Variants in RABGAP1 observed in about 807,000 individuals in gnomAD.
RABGAP1 encodes rab GTPase-activating protein 1.
Under a neutral mutation model 137.6 loss-of-function variants are expected in RABGAP1, and 23 were observed. The observed-to-expected ratio is 0.17, with a 90% confidence interval of 0.12 to 0.24. The LOEUF is 0.24. Among genes scored for constraint, RABGAP1 ranks in the 10% least tolerant of loss-of-function variants. The pLI is 1.00. For synonymous variants in RABGAP1, 451 were observed against 450.7 expected, an observed-to-expected ratio of 1.00 and a Z score of -0.01; for missense variants, 906 against 1,275.8, an observed-to-expected ratio of 0.71 and a Z score of 4.42.
chr9:123,032,480 C>A (rs945268876), intron 13 of RABGAP1, among the ~76,000 whole-genome samples: 13 of 152,208 alleles, frequency 8.5e-5, no homozygotes, highest in African/African-American at 3.1e-4. Context: ...ATGGCCGCGT[C>A]TGGGACTGGC....
At chr9:123,029,675 CGGGTTTGTTCACT>C (rs1260172468) in intron 13 of RABGAP1, 1 of 693,472 alleles carries the variant, frequency 1.4e-6, no homozygotes, top group African/African-American at 1.8e-5. Context: ...GCCTTGCCCC[CGGGTTTGTTCACT>C]GGGTCTTTGT....
At position 123,089,738 on chromosome 9, in the gene RABGAP1, C is replaced by A; in HGVS notation, c.2425-20C>A. Reference sequence around the variant, plus strand: ...CTACTTTCTAATACTTCTTAATTTACCCTATGATTTATCCTACAGATTAGT... The same window carrying A: ...CTACTTTCTAATACTTCTTAATTTAACCTATGATTTATCCTACAGATTAGT... On this transcript the variant is annotated intron_variant, in intron 19 of 25. Transcript: ENST00000373647. 6.3e-7 allele frequency: 1 copy of A among 1,590,458 alleles called. No homozygotes were observed. Among genetic ancestry groups the A allele is most frequent in the Non-Finnish European group, 8.6e-7 (1 of 1,161,818 alleles).
chr9:123,052,330 T>A (rs2033518816), intron 13 of RABGAP1, among the ~76,000 whole-genome samples: 1 of 152,192 alleles, frequency 6.6e-6, no homozygotes, highest in Non-Finnish European at 1.5e-5. Context: ...CAAAAGGTTG[T>A]TAAGATAGAC....
chr9:123,023,855 A>G (rs1347008028), intron 13 of RABGAP1, among the ~76,000 whole-genome samples: 3 of 152,136 alleles, frequency 2.0e-5, no homozygotes, highest in Non-Finnish European at 4.4e-5. Flanking sequence ...TTGTGTTCTG[A>G]AATTTTACAT....
chr9:123,061,905 A>G (rs1282078072), intron 13 of RABGAP1: 2 of 152,244 alleles, frequency 1.3e-5, no homozygotes, highest in African/African-American at 4.8e-5. Context: ...CAGTTTGGCC[A>G]CGAATAGTGT....
chr9:122,990,799 ATATATATATATATATAT>A lies in RABGAP1; in HGVS notation c.923+587_923+603del, dbSNP rs1564384249. 1.7e-3 allele frequency: 71 copies of A among 41,796 alleles called. 3 individuals are homozygous for A. Among genetic ancestry groups the A allele is most frequent in the Middle Eastern group, 0.02 (2 of 98 alleles). 2.6% of individuals were successfully genotyped at this position (41,796 alleles called of 1,614,324 possible). A position where few individuals can be genotyped will look rare whatever the true frequency, so the allele number is the denominator to read the frequency against. The stretch of plus-strand genomic sequence containing the variant: ...AAAAAAAAAAAAAAAAAAAAAAAAT[ATATATATATATATATAT>A]ATATATATATATATATATATGGCCA... On this transcript the variant is annotated intron_variant, in intron 6 of 25. Transcript: ENST00000373647.
At chr9:122,997,492 T>C (rs1025845890) in intron 9 of RABGAP1, 131 bp downstream of exon 9, 7 of 523,928 alleles carry the variant, frequency 1.3e-5, no homozygotes, top group African/African-American at 1.2e-4. Context: ...TGAATAGTTC[T>C]TCACTTTATT....
chr9:123,087,699 G>A (rs1204666846), intron 19 of RABGAP1, among the ~76,000 whole-genome samples: 1 of 152,140 alleles, frequency 6.6e-6, no homozygotes, highest in Admixed American at 6.5e-5. Flanking sequence ...CTGTCTTCCT[G>A]GCTGTCTAAC....
At chr9:123,030,672 A>G (rs2032250853) in intron 13 of RABGAP1, among the ~76,000 whole-genome samples, 1 of 152,140 alleles carries the variant, frequency 6.6e-6, no homozygotes, top group African/African-American at 2.4e-5. Context: ...ATTTATCAAC[A>G]TTTATCATTT....
rs755331066 is a variant in RABGAP1, at chr9:123,103,143, A to C, written c.3140A>C (p.Lys1047Thr). The part of the protein sequence containing the change: ...LALNEVQAAK[K>T]TWFNRTLSSI... ...CTCAATGAGGTGCAGGCAGCCAAGA[A>C]GACGTGGTTTAACCGAACACTGAGC... Residue 1047 changes from lysine (K) to threonine (T), a missense_variant, in exon 26 of 26, where the codon AAG becomes ACG. Lys to Thr is a moderately conservative substitution (Grantham distance 78). Coordinates refer to ENST00000373647, the MANE Select transcript of RABGAP1 (RefSeq NM_012197.4). 6.2e-7 allele frequency: 1 copy of C among 1,614,164 alleles called. No homozygotes were observed. The highest frequency in any genetic ancestry group is 8.5e-7 in the Non-Finnish European group (1 of 1,180,008).
At chr9:123,100,433 G>GTGTT (rs1274537814) in intron 24 of RABGAP1, among the ~76,000 whole-genome samples, 5 of 142,524 alleles carry the variant, frequency 3.5e-5, no homozygotes, top group African/African-American at 1.3e-4. Flanking sequence ...GTGTGTGTGT[G>GTGTT]TGTGTTTGAG....
intron 13 of RABGAP1, among the ~76,000 whole-genome samples, chr9:123,022,881 G>A (rs979433922): frequency 1.3e-5 from 2 of 152,072 alleles, no homozygotes; most frequent in Admixed American, 1.3e-4. Flanking sequence ...CATTGTGTGG[G>A]AATGGTAATT....
chr9:122,959,202 C>T (rs1834711009), intron 2 of RABGAP1, among the ~76,000 whole-genome samples: 1 of 151,720 alleles, frequency 6.6e-6, no homozygotes, highest in South Asian at 2.1e-4. Flanking sequence ...AAGAGCTTTC[C>T]AGTTAGAGCA....
At chr9:123,056,481 CTTTTTTT>C (rs530004900) in intron 13 of RABGAP1, among the ~76,000 whole-genome samples, 80 of 131,860 alleles carry the variant, frequency 6.1e-4, no homozygotes, top group African/African-American at 1.3e-3. Context: ...TTTCTTTTTT[CTTTTTTT>C]TTTTTTTTTT....
intron 13 of RABGAP1, among the ~76,000 whole-genome samples, chr9:123,045,758 G>C (rs919025573): frequency 6.6e-6 from 1 of 152,172 alleles, no homozygotes; most frequent in Non-Finnish European, 1.5e-5. Flanking sequence ...TAAAGAGGAA[G>C]GTAGTGAAAA....
At chr9:122,961,922 G>A (rs2131642088) in intron 2 of RABGAP1, among the ~76,000 whole-genome samples, 1 of 152,124 alleles carries the variant, frequency 6.6e-6, no homozygotes. Context: ...AAATTCATAA[G>A]AATAAATGAA....
At chr9:122,974,819 T>G (rs983657591) in intron 2 of RABGAP1, among the ~76,000 whole-genome samples, 1 of 152,136 alleles carries the variant, frequency 6.6e-6, no homozygotes, top group Non-Finnish European at 1.5e-5. Context: ...GTTTGGTTCT[T>G]CCTTCATAGA....
At chr9:123,012,234 G>A (rs1299385212) in intron 11 of RABGAP1, among the ~76,000 whole-genome samples, 4 of 152,224 alleles carry the variant, frequency 2.6e-5, no homozygotes, top group Non-Finnish European at 2.9e-5. Context: ...AAGGTGGATT[G>A]TTCCCACTGT....
intron 6 of RABGAP1, among the ~76,000 whole-genome samples, chr9:122,994,271 C>G (rs555046982): frequency 2.5e-4 from 38 of 152,238 alleles, no homozygotes; most frequent in African/African-American, 9.1e-4. Context: ...TACTGCATCC[C>G]TGTAGATTCA....
Sources: gnomAD v4.1 joint callset for allele counts (sites outside exome capture counted in the v4.1 genomes callset) on GRCh38, gnomAD v4.1.1 for gene constraint, MANE v1.5 for transcripts, NCBI Gene and HGNC (gene_info 2026-07-23, HGNC 2026-07-21) for gene names.